SYT9: variants seen among roughly 807,000 people sequenced by gnomAD.
The protein encoded by SYT9 is synaptotagmin 9.
In SYT9, 22 loss-of-function variants were observed where a neutral mutation model predicts 48.4. The ratio of observed to expected loss-of-function variants is 0.45; its 90% CI spans 0.32 to 0.65. The LOEUF (loss-of-function observed/expected upper bound fraction) is 0.65, where lower values mean the gene tolerates loss of function less well. Among genes scored for constraint, SYT9 ranks in the 30% least tolerant of loss-of-function variants. The pLI, the probability that SYT9 is intolerant of heterozygous loss-of-function variation, is 0.03. For missense variants in SYT9, 577 were observed against 622.0 expected (o/e 0.93, Z 0.77); for synonymous variants, 265 against 245.0 (o/e 1.08, Z -0.76).
intron 1 of SYT9, among the ~76,000 whole-genome samples, chr11:7,246,476 A>G (rs758534753): frequency 3.9e-5 from 6 of 152,232 alleles, no homozygotes; most frequent in Non-Finnish European, 8.8e-5. Flanking sequence ...GGGGAAAGGT[A>G]ACATATTTCA....
chr11:7,417,608 C>T (rs1185602733), intron 4 of SYT9, among the ~76,000 whole-genome samples: 1 of 152,226 alleles, frequency 6.6e-6, no homozygotes, highest in Admixed American at 6.5e-5. Flanking sequence ...GCTGGGGGGC[C>T]TGTTTTCAGC....
chr11:7,365,334 A>AT (rs1485680826), intron 3 of SYT9, among the ~76,000 whole-genome samples: 1 of 152,162 alleles, frequency 6.6e-6, no homozygotes, highest in Non-Finnish European at 1.5e-5. Flanking sequence ...GAGGAGAGCA[A>AT]TTTTTTGGTA....
chr11:7,415,899 G>A, intron 3 of SYT9, 143 bp from the exon 4 acceptor site: 1 of 1,017,262 alleles, frequency 9.8e-7, no homozygotes, highest in South Asian at 1.5e-5. Flanking sequence ...CCCTGTGACT[G>A]ACATGAACGG....
At chr11:7,428,204 G>A (rs1052935021) in intron 6 of SYT9, among the ~76,000 whole-genome samples, 1 of 152,152 alleles carries the variant, frequency 6.6e-6, no homozygotes, top group African/African-American at 2.4e-5. Context: ...TGACAATGTG[G>A]TAGAAAATAA....
At position 7,325,509 on chromosome 11, in the gene SYT9, T is replaced by C. The variant is rs1393805351; in HGVS notation, c.1044+11568T>C. Among the ~76,000 whole-genome samples the C allele has an allele frequency of 4.4e-5, 3 of 68,716 alleles. No individual in the cohort carries two copies. The South Asian group carries it at 1.8e-3, about 40-fold the overall frequency. 45.1% of individuals were successfully genotyped at this position (68,716 alleles called of 152,430 possible). A position where few individuals can be genotyped will look rare whatever the true frequency, so the allele number is the denominator to read the frequency against. On this transcript the variant is annotated intron_variant, in intron 3 of 6. Coordinates refer to ENST00000318881, the MANE Select transcript of SYT9 (RefSeq NM_175733.4). The stretch of plus-strand genomic sequence containing the variant: ...GTTGCTTATCAGCTTAAGGAGATTT[T>C]GGGCTGAGACGATGGGGTTTTCTAG...
intron 3 of SYT9, among the ~76,000 whole-genome samples, chr11:7,396,143 A>G (rs1054013341): frequency 3.9e-5 from 6 of 152,092 alleles, no homozygotes; most frequent in African/African-American, 7.2e-5. Context: ...GTTTTGTCCC[A>G]TACTTATAAT....
At chr11:7,307,191 C>A (rs1849048624) in intron 2 of SYT9, among the ~76,000 whole-genome samples, 1 of 152,148 alleles carries the variant, frequency 6.6e-6, no homozygotes, top group Non-Finnish European at 1.5e-5. Context: ...AGGAAGATAA[C>A]CATCACACTC....
intron 6 of SYT9, among the ~76,000 whole-genome samples, chr11:7,447,265 C>T (rs1847951684): frequency 1.3e-5 from 2 of 152,206 alleles, no homozygotes; most frequent in African/African-American, 4.8e-5. Flanking sequence ...CCATCTTTCT[C>T]TCTGGCTCTC....
rs35065184 is a variant in SYT9 at position 7,362,949 on chromosome 11, C to CTTTTTT, written c.1044+49031_1044+49036dup. ...ATCTTTCTTCTTGCCATTTATTGGCCTTTTTTTTTTTTTTTTTTTTTTTTT... is the reference window on the plus strand; with the variant it reads ...ATCTTTCTTCTTGCCATTTATTGGCCTTTTTTTTTTTTTTTTTTTTTTTTTTTTTTT... On this transcript the variant is annotated intron_variant, in intron 3 of 6. Transcript: ENST00000318881. Among the ~76,000 whole-genome samples the CTTTTTT allele has an allele frequency of 2.2e-4, 4 of 17,922 alleles. 1 individual carries two copies. Among genetic ancestry groups the CTTTTTT allele is most frequent in the African/African-American group, 7.2e-4 (4 of 5,594 alleles). The allele number at this position is 17,922 out of a possible 152,430, so 11.8% of individuals were successfully genotyped here. A position where few individuals can be genotyped will look rare whatever the true frequency, so the allele number is the denominator to read the frequency against.
At chr11:7,454,950 A>G (rs772009482) in intron 6 of SYT9, among the ~76,000 whole-genome samples, 5 of 152,226 alleles carry the variant, frequency 3.3e-5, no homozygotes, top group East Asian at 1.9e-4. Context: ...GTGGCCTACT[A>G]TCAGCCACAG....
At chr11:7,452,127 A>ACACG (rs2134149526) in intron 6 of SYT9, among the ~76,000 whole-genome samples, 1 of 151,580 alleles carries the variant, frequency 6.6e-6, no homozygotes. Flanking sequence ...AAACACACAC[A>ACACG]CACACACACA....
chr11:7,355,032 G>A (rs141519184), intron 3 of SYT9, among the ~76,000 whole-genome samples: 1 of 152,128 alleles, frequency 6.6e-6, no homozygotes, highest in South Asian at 2.1e-4. Flanking sequence ...ATAGAGAAGG[G>A]ATTTTCGATA....
At chr11:7,334,243 A>AT (rs1025549964) in intron 3 of SYT9, among the ~76,000 whole-genome samples, 10 of 92,062 alleles carry the variant, frequency 1.1e-4, no homozygotes, top group Non-Finnish European at 2.1e-4. Flanking sequence ...AATAATTAAG[A>AT]TTTTTAAGAC....
At chr11:7,269,361 G>A (rs1170436592) in intron 1 of SYT9, among the ~76,000 whole-genome samples, 2 of 152,098 alleles carry the variant, frequency 1.3e-5, no homozygotes, top group Admixed American at 6.6e-5. Context: ...AGGAAATTAT[G>A]TGATAATCAT....
chr11:7,367,094 TTTTTC>T (rs1269422397), intron 3 of SYT9, among the ~76,000 whole-genome samples: 13 of 120,004 alleles, frequency 1.1e-4, no homozygotes, highest in African/African-American at 3.6e-4. Context: ...TTTTTTTTTT[TTTTTC>T]GAGACGGAGC....
At chr11:7,354,573 A>T (rs542504982) in intron 3 of SYT9, among the ~76,000 whole-genome samples, 5 of 152,224 alleles carry the variant, frequency 3.3e-5, no homozygotes, top group African/African-American at 1.2e-4. Context: ...TTAATCTGAC[A>T]TGTGACCCCT....
At position 7,303,368 on chromosome 11, in the gene SYT9, A is replaced by G. The variant is rs1336542464; in HGVS notation, c.475A>G (p.Thr159Ala). Residue 159 changes from threonine (T) to alanine (A), a missense_variant, in exon 2 of 7, where the codon ACA becomes GCA. Physicochemically the swap from Thr to Ala is moderately conservative, Grantham distance 58 (BLOSUM62 0). Transcript: ENST00000318881. ...TGGCGTCCGCGTGCAGCGCCAAGTC[A>G]CAGAGCCAACCTCGTCGGCCCGGTC... ...AHGVRVQRQV[T>A]EPTSSARHNS... The G allele has an allele frequency of 2.9e-5, 47 of 1,610,852 alleles. No individual in the cohort carries two copies. Among genetic ancestry groups the G allele is most frequent in the Non-Finnish European group, 3.8e-5 (45 of 1,179,194 alleles).
At chr11:7,378,681 A>C (rs1462329428) in intron 3 of SYT9, among the ~76,000 whole-genome samples, 2 of 151,906 alleles carry the variant, frequency 1.3e-5, no homozygotes, top group Non-Finnish European at 2.9e-5. Flanking sequence ...GTCTCCACCC[A>C]TGGTAGAATA....
At chr11:7,308,236 A>T (rs1402174710) in intron 2 of SYT9, among the ~76,000 whole-genome samples, 4 of 152,206 alleles carry the variant, frequency 2.6e-5, no homozygotes, top group Admixed American at 1.3e-4. Flanking sequence ...ACATTTCTGA[A>T]ACCACAATTT....
Sources: gnomAD v4.1 joint callset for allele counts (sites outside exome capture counted in the v4.1 genomes callset) on GRCh38, gnomAD v4.1.1 for gene constraint, MANE v1.5 for transcripts, NCBI Gene and HGNC (gene_info 2026-07-23, HGNC 2026-07-21) for gene names.